The following TMEM178B variants were observed in gnomAD, a reference collection of about 807,000 sequenced individuals.
The protein encoded by TMEM178B is transmembrane protein 178B.
TMEM178B carries 5 observed loss-of-function variants against 31.0 expected under a neutral mutation model. The observed-to-expected ratio is 0.16, with a 90% CI of 0.08 to 0.34. The LOEUF (loss-of-function observed/expected upper bound fraction) is 0.34. Ranked by LOEUF, TMEM178B falls within the 10% of genes least tolerant of loss-of-function variation. The pLI is 1.00. For synonymous variants in TMEM178B, 164 were observed against 164.0 expected (o/e 1.00, Z 0.00); for missense variants, 275 against 400.3 (o/e 0.69, Z 2.67).
At chr7:141,367,431 C>T (rs981156084) in intron 2 of TMEM178B, among the ~76,000 whole-genome samples, 11 of 152,174 alleles carry the variant, frequency 7.2e-5, no homozygotes, top group Admixed American at 1.3e-4. Context: ...TGTGCCACTA[C>T]ACCTGGCTAA....
chr7:141,234,082 G>A (rs1194284852), intron 2 of TMEM178B, among the ~76,000 whole-genome samples: 1 of 152,218 alleles, frequency 6.6e-6, no homozygotes, highest in Non-Finnish European at 1.5e-5. Flanking sequence ...ACTGGGAGAA[G>A]GTGACTACTC....
chr7:141,331,914 C>T (rs1799306572), intron 2 of TMEM178B, among the ~76,000 whole-genome samples: 1 of 152,154 alleles, frequency 6.6e-6, no homozygotes, highest in African/African-American at 2.4e-5. Context: ...GTGTTCTAAC[C>T]CATTTGTCTT....
At chr7:141,446,111 T>A (rs1801749169) in intron 3 of TMEM178B, among the ~76,000 whole-genome samples, 1 of 152,018 alleles carries the variant, frequency 6.6e-6, no homozygotes, top group African/African-American at 2.4e-5. Context: ...AACATCCGGG[T>A]TTACCTAATG....
At chr7:141,343,302 A>G (rs1448463336) in intron 2 of TMEM178B, among the ~76,000 whole-genome samples, 1 of 152,068 alleles carries the variant, frequency 6.6e-6, no homozygotes, top group Non-Finnish European at 1.5e-5. Context: ...CCATGACCTC[A>G]CCCTAGTCCT....
intron 1 of TMEM178B, among the ~76,000 whole-genome samples, chr7:141,148,655 T>C (rs1795899990): frequency 6.6e-6 from 1 of 152,262 alleles, no homozygotes; most frequent in East Asian, 1.9e-4. Context: ...AAATATTTAT[T>C]GAGCATTTAT....
chr7:141,222,072 A>AG (rs1270599203), intron 2 of TMEM178B, among the ~76,000 whole-genome samples: 1 of 152,170 alleles, frequency 6.6e-6, no homozygotes, highest in African/African-American at 2.4e-5. Context: ...GAGCATGGGT[A>AG]GGCTTGGGAT....
In TMEM178B at chr7:141,474,161, A is replaced by C. The variant is rs1802312567; in HGVS notation, c.*3375A>C. ...AACCTTGAGCCTGGGGCCCATTGCA[A>C]CTTTTATTTCCTTCCCTACTCTACT... On this transcript the variant is annotated 3_prime_UTR_variant, in exon 4 of 4. Coordinates refer to ENST00000565468, the MANE Select transcript of TMEM178B (RefSeq NM_001195278.2). 6.6e-6 allele frequency: 1 copy of C among 152,174 alleles called. No individual in the cohort carries two copies. The highest frequency in any genetic ancestry group is 1.5e-5 in the Non-Finnish European group (1 of 68,038). The allele number at this position is 152,174 out of a possible 1,614,324, so 9.4% of individuals were successfully genotyped here.
intron 2 of TMEM178B, among the ~76,000 whole-genome samples, chr7:141,417,295 T>C (rs1801116260): frequency 6.6e-6 from 1 of 152,236 alleles, no homozygotes; most frequent in Non-Finnish European, 1.5e-5. Context: ...ATGCAGCCTC[T>C]GTTCTCCAAA....
chr7:141,314,455 A>G (rs1481853555), intron 2 of TMEM178B, among the ~76,000 whole-genome samples: 1 of 152,188 alleles, frequency 6.6e-6, no homozygotes, highest in Non-Finnish European at 1.5e-5. Context: ...GTTTGTGGCC[A>G]TGTGAGCAAT....
intron 1 of TMEM178B, among the ~76,000 whole-genome samples, chr7:141,104,706 CG>C (rs1457481607): frequency 6.6e-6 from 1 of 152,144 alleles, no homozygotes; most frequent in Non-Finnish European, 1.5e-5. Context: ...TTGGCAGGGC[CG>C]GTTTCTCCAG....
At chr7:141,438,026 G>A (rs993439487) in intron 3 of TMEM178B, among the ~76,000 whole-genome samples, 3 of 152,180 alleles carry the variant, frequency 2.0e-5, no homozygotes, top group Admixed American at 6.5e-5. Context: ...TCATGAGACG[G>A]GTGGTTACGG....
At position 141,344,604 on chromosome 7, in the gene TMEM178B, CT is replaced by C. The variant is rs1799582834; in HGVS notation, c.497-93002del. 6.6e-6 allele frequency among the ~76,000 whole-genome samples: 1 copy of C among 150,542 alleles called. No homozygotes were observed. The highest frequency in any genetic ancestry group is 2.5e-5 in the African/African-American group (1 of 40,708). ...CCTTCCTTCCTTCCTTCCTTCCTTC[CT>C]TCCTTCCTTCCTTCCTTCCTTCCTC... On this transcript the variant is annotated intron_variant, in intron 2 of 3. Coordinates refer to ENST00000565468, the MANE Select transcript of TMEM178B (RefSeq NM_001195278.2). The surrounding 1 kb of genome is among the most constrained non-coding windows in gnomAD (Gnocchi z 4.1).
chr7:141,414,075 A>ATTTTTT (rs1179943997), intron 2 of TMEM178B, among the ~76,000 whole-genome samples: 2 of 58,348 alleles, frequency 3.4e-5, no homozygotes, highest in Non-Finnish European at 6.0e-5. Context: ...CAAAAACATC[A>ATTTTTT]TTTTTTTTTT....
chr7:141,381,969 T>C (rs1486379137), intron 2 of TMEM178B, among the ~76,000 whole-genome samples: 1 of 151,928 alleles, frequency 6.6e-6, no homozygotes, highest in Non-Finnish European at 1.5e-5. Flanking sequence ...ATCTAGTTAA[T>C]GTCTAACTGA....
chr7:141,222,792 T>C (rs1308455324), intron 2 of TMEM178B, among the ~76,000 whole-genome samples: 1 of 152,204 alleles, frequency 6.6e-6, no homozygotes, highest in Non-Finnish European at 1.5e-5. Flanking sequence ...GTGTTTACAA[T>C]GTAGGAGTAG....
At chr7:141,363,747 A>G (rs1472093238) in intron 2 of TMEM178B, among the ~76,000 whole-genome samples, 1 of 152,136 alleles carries the variant, frequency 6.6e-6, no homozygotes, top group East Asian at 1.9e-4. Context: ...ATAAGCCTGG[A>G]CACACAGGAG....
chr7:141,469,601 C>T (rs1802202931), intron 3 of TMEM178B, among the ~76,000 whole-genome samples: 1 of 152,160 alleles, frequency 6.6e-6, no homozygotes, highest in African/African-American at 2.4e-5. Flanking sequence ...ACTATACATC[C>T]TTCTTCTGCT....
rs6464447 is a variant in TMEM178B, at chr7:141,422,564, G to C, written c.497-15044G>C. Among the ~76,000 whole-genome samples, 53,393 of 152,064 alleles carry C rather than the reference G, an allele frequency of 0.35. 9,704 individuals are homozygous for C. The highest frequency in any genetic ancestry group is 0.51 in the South Asian group (2,442 of 4,818). ...GGATCCTTCCTCACACAGAGCCTGT[G>C]TTGGCTCTGTTGCCAGAGGCAGCAT... On this transcript the variant is annotated intron_variant, in intron 2 of 3. Coordinates refer to ENST00000565468, the MANE Select transcript of TMEM178B (RefSeq NM_001195278.2). The surrounding 1 kb of genome is among the most constrained non-coding windows in gnomAD (Gnocchi z 4.2).
chr7:141,325,687 G>C (rs980242180), intron 2 of TMEM178B, among the ~76,000 whole-genome samples: 3 of 152,172 alleles, frequency 2.0e-5, no homozygotes, highest in African/African-American at 7.2e-5. Context: ...CATGTTCTCA[G>C]ACTTGGAAAA....
Sources: allele counts gnomAD v4.1 joint callset (sites outside exome capture counted in the v4.1 genomes callset), GRCh38; gene constraint gnomAD v4.1.1; non-coding constraint Gnocchi (gnomAD v3.1); transcripts MANE v1.5; gene names NCBI Gene and HGNC (gene_info 2026-07-23, HGNC 2026-07-21).